IL13RA1: variants seen among roughly 807,000 people sequenced by gnomAD.
IL13RA1 encodes interleukin 13 receptor subunit alpha 1, also known as interleukin-13 receptor subunit alpha-1.
Under a neutral mutation model 33.8 loss-of-function variants are expected in IL13RA1, and 14 were observed. The observed-to-expected ratio is 0.41, with a 90% CI of 0.27 to 0.65. IL13RA1 has a LOEUF of 0.65. Among genes scored for constraint, IL13RA1 ranks in the 30% least tolerant of loss-of-function variants. The probability of loss-of-function intolerance (pLI) is 0.28; values close to 1 mark genes in which losing one functional copy is unlikely to be tolerated. For synonymous variants in IL13RA1, 116 were observed against 115.7 expected (o/e 1.00, Z -0.02); for missense variants, 313 against 327.0 (o/e 0.96, Z 0.33).
intron 3 of IL13RA1, among the ~76,000 whole-genome samples, chrX:118,747,966 T>C (rs2017425495): frequency 9.5e-6 from 1 of 104,995 alleles, no homozygotes; most frequent in Admixed American, 1.1e-4. Flanking sequence ...AGTCAGTATA[T>C]GTGAGGTACT....
At chrX:118,756,108 T>G (rs1350570853) in intron 4 of IL13RA1, among the ~76,000 whole-genome samples, 1 of 111,242 alleles carries the variant, frequency 9.0e-6, no homozygotes, top group East Asian at 2.8e-4. Flanking sequence ...AATCAGATTT[T>G]CTGGGAGAGG....
At chrX:118,801,337 G>A in the IL13RA1 span, among the ~76,000 whole-genome samples, 1 of 111,778 alleles carries the variant, frequency 8.9e-6, no homozygotes, top group South Asian at 3.7e-4. Flanking sequence ...TTAATGATAT[G>A]CCTTATTGTG....
At chrX:118,737,268 C>A (rs1380497794) in intron 1 of IL13RA1, among the ~76,000 whole-genome samples, 1 of 112,668 alleles carries the variant, frequency 8.9e-6, no homozygotes, top group Non-Finnish European at 1.9e-5. Context: ...GAAGGATGGG[C>A]AGCTACTACT....
intron 10 of IL13RA1, among the ~76,000 whole-genome samples, chrX:118,789,424 C>T (rs2017954166): frequency 8.9e-6 from 1 of 112,020 alleles, no homozygotes; most frequent in East Asian, 2.8e-4. Context: ...TATGATATTA[C>T]CTAATTTTAA....
At position 118,741,080 on chromosome X, in the gene IL13RA1, C is replaced by A; in HGVS notation, c.152C>A (p.Thr51Lys). 1.8e-6 allele frequency: 2 copies of A among 1,103,486 alleles called. No homozygotes were observed. The highest frequency in any genetic ancestry group is 2.5e-6 in the Non-Finnish European group (2 of 796,685). The allele number at this position is 1,103,486 out of a possible 1,213,427, so 90.9% of individuals were successfully genotyped here. Residue 51 changes from threonine to lysine, a missense_variant, in exon 2 of 11, where the codon ACA (threonine) becomes AAA (lysine). Thr to Lys is a moderately conservative substitution (Grantham distance 78). Coordinates refer to ENST00000371666, the MANE Select transcript of IL13RA1 (RefSeq NM_001560.3). ...SVENLCTVIW[T>K]WNPPEGASSN... ...GAAAACCTCTGCACAGTAATATGGA[C>A]ATGGAATCCACCCGAGGGAGCCAGC...
chrX:118,788,635 T>C (rs1398722241), intron 10 of IL13RA1, among the ~76,000 whole-genome samples: 4 of 111,874 alleles, frequency 3.6e-5, no homozygotes, highest in East Asian at 2.8e-4. Context: ...CCCTATAATA[T>C]AGTTTTTAGT....
intron 3 of IL13RA1, among the ~76,000 whole-genome samples, chrX:118,747,359 A>G (rs1032108478): frequency 9.1e-6 from 1 of 109,523 alleles, no homozygotes; most frequent in Non-Finnish European, 1.9e-5. Flanking sequence ...ACGCGCGCGC[A>G]CACACACACT....
intron 6 of IL13RA1, among the ~76,000 whole-genome samples, 199 bp from the exon 7 acceptor site, chrX:118,766,331 G>A (rs1227288535): frequency 9.1e-6 from 1 of 109,950 alleles, no homozygotes; most frequent in Non-Finnish European, 1.9e-5. Context: ...GAGGTAGGGC[G>A]TCAAGAATCT....
In IL13RA1 at chrX:118,727,701, C is replaced by T; in HGVS notation, c.63C>T (p.Gly21=). ...WALLLCAGGG[G]GGGGAAPTET... is the part of the protein sequence containing the mutation. ...TGCTGCTCTGCGCCGGCGGCGGGGG[C>T]GGGGGCGGGGGCGCCGCGCCTACGG... The change falls in exon 1 of 11, where the codon GGC becomes GGT. Residue 21 remains glycine, a synonymous_variant. Transcript: ENST00000371666. The T allele has an allele frequency of 1.0e-5, 3 of 290,586 alleles. No individual in the cohort carries two copies. The highest frequency in any genetic ancestry group is 9.6e-6 in the Non-Finnish European group (2 of 208,956). The allele number at this position is 290,586 out of a possible 1,213,427, so 23.9% of individuals were successfully genotyped here.
chrX:118,802,765 G>C, the IL13RA1 span, among the ~76,000 whole-genome samples: 1 of 112,173 alleles, frequency 8.9e-6, no homozygotes, highest in Non-Finnish European at 1.9e-5. Context: ...CTGAGTTATT[G>C]TTTGACTTGA....
chrX:118,735,224 C>G (rs894260609), intron 1 of IL13RA1, among the ~76,000 whole-genome samples: 36 of 110,808 alleles, frequency 3.2e-4, no homozygotes, highest in African/African-American at 1.2e-3. Context: ...ATTAGTCCAT[C>G]TAGCTAAAGG....
Position 118,772,762 on chromosome X carries a change from G to GT in IL13RA1, c.1010-1107dup, listed in dbSNP as rs768165716. 9.5e-3 allele frequency among the ~76,000 whole-genome samples: 1,025 copies of GT among 108,236 alleles called. 2 individuals are homozygous for GT. Among genetic ancestry groups the GT allele is most frequent in the Non-Finnish European group, 0.016 (808 of 51,696 alleles). 94.0% of individuals were successfully genotyped at this position (108,236 alleles called of 115,157 possible). A position where few individuals can be genotyped will look rare whatever the true frequency, so the allele number is the denominator to read the frequency against. ...CTTTAAAGCAGCACAAGATCTTGAA[G>GT]TTTTTTTTTTATCAGTTAAGAAATA... On this transcript the variant is annotated intron_variant, in intron 8 of 10. Transcript: ENST00000371666.
intron 6 of IL13RA1, among the ~76,000 whole-genome samples, chrX:118,765,218 G>A (rs761323067): frequency 7.2e-5 from 8 of 110,367 alleles, no homozygotes; most frequent in Non-Finnish European, 1.1e-4. Context: ...CTGTCTTAGC[G>A]TGCGGAGTAG....
intron 10 of IL13RA1, among the ~76,000 whole-genome samples, chrX:118,789,427 A>G (rs1020512726): frequency 1.8e-5 from 2 of 112,105 alleles, no homozygotes; most frequent in African/African-American, 6.5e-5. Flanking sequence ...GATATTACCT[A>G]ATTTTAAAAT....
chrX:118,755,337 C>A (rs189388162), intron 4 of IL13RA1, among the ~76,000 whole-genome samples: 289 of 110,713 alleles, frequency 2.6e-3, no homozygotes, highest in African/African-American at 8.6e-3. Context: ...ATTGAACAGA[C>A]CCCGGCCTGA....
At chrX:118,773,505 CA>C (rs1343924296) in intron 8 of IL13RA1, among the ~76,000 whole-genome samples, 1 of 111,619 alleles carries the variant, frequency 9.0e-6, no homozygotes, top group Admixed American at 9.5e-5. Flanking sequence ...AACAAACAAA[CA>C]AACAAAAGTT....
At chrX:118,755,582 C>G (rs1197132998) in intron 4 of IL13RA1, among the ~76,000 whole-genome samples, 1 of 111,383 alleles carries the variant, frequency 9.0e-6, no homozygotes, top group African/African-American at 3.3e-5. Context: ...AGTATTTTCC[C>G]TTCTATAATT....
At chrX:118,755,384 A>AT (rs61662256) in intron 4 of IL13RA1, among the ~76,000 whole-genome samples, 8,082 of 101,356 alleles carry the variant, frequency 0.08, 563 homozygotes, top group African/African-American at 0.22. Context: ...AATTTTAGGG[A>AT]TTTTTTTTTT....
At position 118,791,633 on chromosome X, in the gene IL13RA1, A is replaced by C. The variant is rs760315655; in HGVS notation, c.1192-129A>C. On this transcript the variant is annotated intron_variant, in intron 10 of 10. Transcript: ENST00000371666. ...AAGATTCTTAGGTCAAAAAAAAAAA[A>C]AAAACAGGAAATCATACCCCTACGG... The C allele has an allele frequency of 1.0e-4, 32 of 317,391 alleles. 1 individual carries two copies. The highest frequency in any genetic ancestry group is 8.6e-4 in the Middle Eastern group (2 of 2,320). The allele number at this position is 317,391 out of a possible 1,213,427, so 26.2% of individuals were successfully genotyped here.
Sources: gnomAD v4.1 joint callset for allele counts (sites outside exome capture counted in the v4.1 genomes callset) on GRCh38, gnomAD v4.1.1 for gene constraint, MANE v1.5 for transcripts, NCBI Gene and HGNC (gene_info 2026-07-23, HGNC 2026-07-21) for gene names.